The following TNR variants were observed in gnomAD, a reference collection of about 807,000 sequenced individuals.
TNR encodes the protein tenascin-R.
In TNR, 45 loss-of-function variants were observed where a neutral mutation model predicts 150.4. That is an observed-to-expected ratio of 0.30 (90% confidence interval 0.24 to 0.38). The LOEUF is 0.38. Ranked by LOEUF, TNR falls within the 10% of genes least tolerant of loss-of-function variation. The pLI, the probability that TNR is intolerant of heterozygous loss-of-function variation, is 1.00. For synonymous variants in TNR, 687 were observed against 678.4 expected (o/e 1.01, Z -0.20); for missense variants, 1,544 against 1,759.1 (o/e 0.88, Z 2.19).
chr1:175,698,651 G>A (rs1035929976), intron 1 of TNR, among the ~76,000 whole-genome samples: 39 of 152,170 alleles, frequency 2.6e-4, no homozygotes, highest in African/African-American at 8.4e-4. Context: ...GACCAGCCTG[G>A]CCAACATGAT....
At chr1:175,451,840 G>A (rs1168698269) in intron 2 of TNR, among the ~76,000 whole-genome samples, 1 of 152,168 alleles carries the variant, frequency 6.6e-6, no homozygotes, top group East Asian at 1.9e-4. Flanking sequence ...CTCCTTATAT[G>A]TTATATGGTT....
chr1:175,370,107 C>T (rs1571348555), intron 9 of TNR, among the ~76,000 whole-genome samples: 3 of 152,232 alleles, frequency 2.0e-5, no homozygotes, highest in East Asian at 3.9e-4. Flanking sequence ...CAGACTTTGA[C>T]GTCTGACATA....
At chr1:175,574,792 G>C (rs1004126851) in intron 1 of TNR, among the ~76,000 whole-genome samples, 19 of 152,224 alleles carry the variant, frequency 1.2e-4, no homozygotes, top group African/African-American at 3.4e-4. Context: ...TCCAAGTGCT[G>C]ATGGTCACAG....
At chr1:175,388,734 A>G (rs1418897784) in intron 7 of TNR, among the ~76,000 whole-genome samples, 1 of 152,232 alleles carries the variant, frequency 6.6e-6, no homozygotes, top group Non-Finnish European at 1.5e-5. Context: ...ATGTCTTTCC[A>G]TTTCTTCATG....
intron 2 of TNR, among the ~76,000 whole-genome samples, chr1:175,470,682 A>G (rs777799386): frequency 2.0e-5 from 3 of 152,232 alleles, no homozygotes; most frequent in Non-Finnish European, 4.4e-5. Flanking sequence ...TTATTTAAAA[A>G]TACACAATTA....
At position 175,403,234 on chromosome 1, in the gene TNR, C is replaced by T. The variant is rs1246355752; in HGVS notation, c.882G>A (p.Gln294=). The change falls in exon 4 of 23, where the codon CAG becomes CAA. Residue 294 remains glutamine (Q), a synonymous_variant. Transcript: ENST00000367674. ...EEGYVGEDCG[Q]RQCLNACSGR... ...CACTGCAGGCATTCAGACACTGCCG[C>T]TGGCCGCAGTCCTCACCAACGTAGC... 6.2e-7 allele frequency: 1 copy of T among 1,614,176 alleles called. No individual in the cohort carries two copies.
intron 1 of TNR, among the ~76,000 whole-genome samples, chr1:175,531,744 G>GA (rs997123457): frequency 2.0e-5 from 3 of 152,124 alleles, no homozygotes; most frequent in Admixed American, 6.5e-5. Context: ...CTCATCTTTG[G>GA]AAAAAACATC....
chr1:175,643,675 C>T (rs1294149155), intron 1 of TNR, among the ~76,000 whole-genome samples: 1 of 152,134 alleles, frequency 6.6e-6, no homozygotes, highest in East Asian at 1.9e-4. Flanking sequence ...ATTTTCCTTC[C>T]TCTTTTCATT....
At chr1:175,629,170 T>C (rs1664248613) in intron 1 of TNR, among the ~76,000 whole-genome samples, 1 of 152,176 alleles carries the variant, frequency 6.6e-6, no homozygotes, top group Admixed American at 6.5e-5. Context: ...TCTCTCTGCT[T>C]TAACATATGG....
At chr1:175,449,019 C>A (rs1196642620) in intron 2 of TNR, among the ~76,000 whole-genome samples, 1 of 152,166 alleles carries the variant, frequency 6.6e-6, no homozygotes, top group African/African-American at 2.4e-5. Context: ...GGCATCTGAC[C>A]CAAGTATCAG....
chr1:175,626,259 G>A (rs200174062), intron 1 of TNR, among the ~76,000 whole-genome samples: 7 of 152,178 alleles, frequency 4.6e-5, no homozygotes, highest in South Asian at 2.1e-4. Context: ...ATTCCTGTTC[G>A]TCTTCCCTCT....
chr1:175,393,773 G>A lies in TNR; in HGVS notation c.1356+7C>T. The A allele has an allele frequency of 6.3e-7, 1 of 1,598,150 alleles. No individual in the cohort carries two copies. The highest frequency in any genetic ancestry group is 2.2e-5 in the East Asian group (1 of 44,818). On this transcript the variant is annotated splice_region_variant and intron_variant, in intron 6 of 22. Transcript: ENST00000367674. ...GTCTGTTTGGCAGTGTAACAGGTGA[G>A]TGTTACCTTTGGAATGAAGCTGATT...
intron 1 of TNR, among the ~76,000 whole-genome samples, chr1:175,704,108 A>G (rs1382544617): frequency 6.6e-6 from 1 of 152,244 alleles, no homozygotes; most frequent in East Asian, 1.9e-4. Context: ...GATGATGGAA[A>G]AGTTCTGGAA....
chr1:175,365,107 G>T lies in TNR; in HGVS notation c.2490C>A (p.Val830=), dbSNP rs1159817783. 1 of 1,614,040 alleles carries T rather than the reference G, an allele frequency of 6.2e-7. No individual in the cohort carries two copies. The highest frequency in any genetic ancestry group is 1.1e-5 in the South Asian group (1 of 91,054). The change falls in exon 12 of 23, where the codon GTC becomes GTA. Residue 830 remains valine, a synonymous_variant. Coordinates refer to ENST00000367674, the MANE Select transcript of TNR (RefSeq NM_003285.3). ...CTGTGGCTGGTTGCAGGCCCATCAG[G>T]ACAGCATGCCTCTTGGTGGCATCCA... ...VSLDATKRHA[V]LMGLQPATEY...
At chr1:175,593,137 G>A (rs1363624851) in intron 1 of TNR, among the ~76,000 whole-genome samples, 1 of 152,224 alleles carries the variant, frequency 6.6e-6, no homozygotes, top group East Asian at 1.9e-4. Context: ...GGCATTAAGA[G>A]TAGCAATCTG....
intron 2 of TNR, among the ~76,000 whole-genome samples, chr1:175,476,719 G>A (rs961047343): frequency 6.6e-6 from 1 of 152,176 alleles, no homozygotes; most frequent in Non-Finnish European, 1.5e-5. Context: ...GCATTATCGG[G>A]TAATAACACC....
In TNR at chr1:175,359,745, G is replaced by C. The variant is rs1267077513; in HGVS notation, c.2855-14C>G. The C allele has an allele frequency of 1.9e-6, 3 of 1,599,442 alleles. No individual in the cohort carries two copies. The highest frequency in any genetic ancestry group is 1.7e-6 in the Non-Finnish European group (2 of 1,173,078). ...GGTTGTCCATGGCTGAAACAGAATA[G>C]ATTATCAGTTACAGATAAGAGGAGC... On this transcript the variant is annotated splice_polypyrimidine_tract_variant and intron_variant, in intron 14 of 22. Coordinates refer to ENST00000367674, the MANE Select transcript of TNR (RefSeq NM_003285.3).
At chr1:175,616,397 C>A (rs894619018) in intron 1 of TNR, among the ~76,000 whole-genome samples, 1 of 152,164 alleles carries the variant, frequency 6.6e-6, no homozygotes, top group Non-Finnish European at 1.5e-5. Flanking sequence ...CTGCAGGCAC[C>A]CACAACCTCC....
At chr1:175,687,465 G>T (rs2101915230) in intron 1 of TNR, among the ~76,000 whole-genome samples, 1 of 152,192 alleles carries the variant, frequency 6.6e-6, no homozygotes, top group African/African-American at 2.4e-5. Context: ...CTGAAAGGAA[G>T]CATGCTATAA....
Sources: gnomAD v4.1 joint callset for allele counts (sites outside exome capture counted in the v4.1 genomes callset) on GRCh38, gnomAD v4.1.1 for gene constraint, MANE v1.5 for transcripts, NCBI Gene and HGNC (gene_info 2026-07-23, HGNC 2026-07-21) for gene names.